BAHCC1: variants seen among roughly 807,000 people sequenced by gnomAD.
BAHCC1 encodes BAH domain and coiled-coil containing 1.
In BAHCC1, 43 loss-of-function variants were observed where a neutral mutation model predicts 88.2. The ratio of observed to expected loss-of-function variants is 0.49; its 90% CI spans 0.38 to 0.63. BAHCC1 has a LOEUF of 0.63. BAHCC1 is among the 20% of genes least tolerant of loss of function. BAHCC1 has a pLI of 0.00. For synonymous variants in BAHCC1, 1,510 were observed against 745.5 expected (o/e 2.03, Z -16.71); for missense variants, 3,023 against 1,654.8 (o/e 1.83, Z -14.34).
Position 81,445,667 on chromosome 17 carries a change from T to C in BAHCC1, c.3149T>C (p.Ile1050Thr). The change falls in exon 10 of 28, where the codon ATC becomes ACC. Residue 1050 changes from isoleucine to threonine, a missense_variant. Coordinates refer to ENST00000675386, the MANE Select transcript of BAHCC1 (RefSeq NM_001377448.1). ...GEGQQSTADI[I>T]TSEPDLPPGY... ...GGTCAGCAGTCCACGGCCGACATCATCACATCCGAACCAGGTGAGAGTAGC... is the reference window on the plus strand; with the variant it reads ...GGTCAGCAGTCCACGGCCGACATCACCACATCCGAACCAGGTGAGAGTAGC... 1 of 729,974 alleles carries C rather than the reference T, an allele frequency of 1.4e-6. No homozygotes were observed. The highest frequency in any genetic ancestry group is 1.5e-5 in the South Asian group (1 of 68,366). The allele number at this position is 729,974 out of a possible 1,614,324, so 45.2% of individuals were successfully genotyped here.
intron 2 of BAHCC1, among the ~76,000 whole-genome samples, chr17:81,417,559 C>CA (rs1271615389): frequency 5.1e-5 from 5 of 98,606 alleles, no homozygotes; most frequent in African/African-American, 1.8e-4. Flanking sequence ...TCGGCCACCC[C>CA]CCCCCCGCCC....
rs8746 is a variant in BAHCC1, at chr17:81,462,826, C to T, written c.7470C>T (p.Ala2490=). 0.16 allele frequency: 125,823 copies of T among 780,592 alleles called. 11,032 individuals are homozygous for T. Among genetic ancestry groups the T allele is most frequent in the East Asian group, 0.3 (12,320 of 41,232 alleles). 48.4% of individuals were successfully genotyped at this position (780,592 alleles called of 1,614,324 possible). A position where few individuals can be genotyped will look rare whatever the true frequency, so the allele number is the denominator to read the frequency against. ...GEETLRVGDC[A]VFLSAGRPNL... The stretch of plus-strand genomic sequence containing the variant: ...AGACCCTGCGTGTCGGGGACTGTGC[C>T]GTCTTCCTGTCAGCTGGGCGGCCCA... Residue 2490 remains alanine, a synonymous_variant, in exon 27 of 28, where the codon GCC becomes GCT. Transcript: ENST00000675386.
Position 81,418,808 on chromosome 17 carries a change from T to TGCGC in BAHCC1, c.179-7992_179-7991insGCGC, listed in dbSNP as rs781892011. On this transcript the variant is annotated intron_variant, in intron 2 of 27. Coordinates refer to ENST00000675386, the MANE Select transcript of BAHCC1 (RefSeq NM_001377448.1). ...GTGTACGTGTGTGCGTGTGTGTGTG[T>TGCGC]ACGTGTGTGTGTGTGTGTGTGTGTA... Among the ~76,000 whole-genome samples, 7 of 80,700 alleles carry TGCGC rather than the reference T, an allele frequency of 8.7e-5. No homozygotes were observed. In the East Asian group the frequency reaches 4.1e-3, roughly 48 times the overall value. The allele number at this position is 80,700 out of a possible 152,430, so 52.9% of individuals were successfully genotyped here.
intron 2 of BAHCC1, among the ~76,000 whole-genome samples, chr17:81,426,415 G>C (rs1197881720): frequency 1.4e-4 from 10 of 71,258 alleles, no homozygotes; most frequent in Non-Finnish European, 3.0e-5. Flanking sequence ...TGATGTGGTT[G>C]GGGGTGATAG....
At chr17:81,402,972 G>A (rs1045736084) in intron 2 of BAHCC1, 2 of 152,220 alleles carry the variant, frequency 1.3e-5, no homozygotes, top group Non-Finnish European at 2.9e-5. Context: ...AAAATGTTTG[G>A]AATCATTATT....
intron 3 of BAHCC1, among the ~76,000 whole-genome samples, chr17:81,431,162 A>T (rs2064256925): frequency 6.6e-6 from 1 of 152,008 alleles, no homozygotes; most frequent in African/African-American, 2.4e-5. Context: ...CGGCTGCCCC[A>T]TCCAGGCCTA....
At position 81,461,943 on chromosome 17, in the gene BAHCC1, A is replaced by C; in HGVS notation, c.7280A>C (p.Glu2427Ala). 1 of 765,320 alleles carries C rather than the reference A, an allele frequency of 1.3e-6. No individual in the cohort carries two copies. Among genetic ancestry groups the C allele is most frequent in the Non-Finnish European group, 2.4e-6 (1 of 411,526 alleles). 47.4% of individuals were successfully genotyped at this position (765,320 alleles called of 1,614,324 possible). A position where few individuals can be genotyped will look rare whatever the true frequency, so the allele number is the denominator to read the frequency against. ...GCCCTGAGCTTCTCCAAAGCCAAAG[A>C]GCTCTCCCGGAGGCAGCGGCCGCCC... ...KEALSFSKAK[E>A]LSRRQRPPSV... is the part of the protein sequence containing the mutation. Residue 2427 changes from glutamate (E) to alanine (A), a missense_variant, in exon 26 of 28, where the codon GAG (glutamate) becomes GCG (alanine). By Grantham distance (107) the Glu-to-Ala change is moderately radical (BLOSUM62 -1). Coordinates refer to ENST00000675386, the MANE Select transcript of BAHCC1 (RefSeq NM_001377448.1).
intron 2 of BAHCC1, among the ~76,000 whole-genome samples, chr17:81,416,413 TGTGTCC>T (rs2064026603): frequency 8.8e-6 from 1 of 114,274 alleles, no homozygotes; most frequent in Non-Finnish European, 1.7e-5. Context: ...TACGTGTATG[TGTGTCC>T]ATGAGGGTGG....
chr17:81,430,915 G>A (rs1317275321), intron 3 of BAHCC1, among the ~76,000 whole-genome samples: 2 of 152,030 alleles, frequency 1.3e-5, no homozygotes, highest in African/African-American at 4.8e-5. Context: ...CCCTGCCCAT[G>A]TGCGAGGGAG....
Position 81,411,256 on chromosome 17 carries a change from T to TC in BAHCC1, c.178+11343dup. ...GACTCGCCACCCCCAGTTGAGCAGC[T>TC]CCCCTTCTCGGCAGCTCCCAAACCC... On this transcript the variant is annotated intron_variant, in intron 2 of 27. Transcript: ENST00000675386. This position sits in a 1 kb window ranked among gnomAD's most constrained non-coding sequence, Gnocchi z 6.2. 1 of 493,200 alleles carries TC rather than the reference T, an allele frequency of 2.0e-6. No homozygotes were observed. The highest frequency in any genetic ancestry group is 1.5e-5 in the South Asian group (1 of 68,960). The allele number at this position is 493,200 out of a possible 1,614,324, so 30.6% of individuals were successfully genotyped here. A position where few individuals can be genotyped will look rare whatever the true frequency, so the allele number is the denominator to read the frequency against.
intron 2 of BAHCC1, among the ~76,000 whole-genome samples, chr17:81,407,094 C>T (rs2063890228): frequency 6.6e-6 from 1 of 152,220 alleles, no homozygotes; most frequent in African/African-American, 2.4e-5. Context: ...TGCTGCCCCT[C>T]TCCGGGGTCT....
intron 2 of BAHCC1, among the ~76,000 whole-genome samples, chr17:81,417,558 C>A (rs371091787): frequency 1.6e-5 from 1 of 61,290 alleles, no homozygotes; most frequent in Non-Finnish European, 3.8e-5. Flanking sequence ...GTCGGCCACC[C>A]CCCCCCCGCC....
rs1205381911 is a variant in BAHCC1, at chr17:81,463,889, C to G, written c.*72C>G. The G allele has an allele frequency of 1.5e-6, 1 of 688,426 alleles. No individual in the cohort carries two copies. The highest frequency in any genetic ancestry group is 2.7e-6 in the Non-Finnish European group (1 of 375,688). The allele number at this position is 688,426 out of a possible 1,614,324, so 42.6% of individuals were successfully genotyped here. Reference sequence around the variant, plus strand: ...CGGAGCCTGGCGTCGGCCAAGCCACCGGGCAGGAGGCAGCCCCGGCCTCCC... The same window carrying G: ...CGGAGCCTGGCGTCGGCCAAGCCACGGGGCAGGAGGCAGCCCCGGCCTCCC... On this transcript the variant is annotated 3_prime_UTR_variant, in exon 28 of 28. Coordinates refer to ENST00000675386, the MANE Select transcript of BAHCC1 (RefSeq NM_001377448.1).
chr17:81,397,271 C>T (rs1277893730), intron 1 of BAHCC1: 2 of 152,088 alleles, frequency 1.3e-5, no homozygotes, highest in African/African-American at 4.8e-5. Context: ...GAGAAAGGAA[C>T]AATCGGGCCT....
At chr17:81,450,480 G>T (rs2064612391) in intron 11 of BAHCC1, among the ~76,000 whole-genome samples, 1 of 152,186 alleles carries the variant, frequency 6.6e-6, no homozygotes, top group Non-Finnish European at 1.5e-5. Context: ...TGTTCCTGCG[G>T]TCACTGTGAG....
At chr17:81,396,488 G>GT (rs1271800315) in intron 1 of BAHCC1, 1 of 152,110 alleles carries the variant, frequency 6.6e-6, no homozygotes, top group Non-Finnish European at 1.5e-5. Context: ...GGGTGCGGCT[G>GT]TTTCGCAGGG....
At chr17:81,454,446 G>A (rs914821121) in intron 14 of BAHCC1, among the ~76,000 whole-genome samples, 15 of 152,304 alleles carry the variant, frequency 9.8e-5, no homozygotes, top group South Asian at 6.2e-4. Flanking sequence ...CTTAAGACCC[G>A]CGTGGAGGAC....
chr17:81,441,668 C>CAA lies in BAHCC1; in HGVS notation c.482-142_482-141dup, dbSNP rs11333301. On this transcript the variant is annotated intron_variant, in intron 4 of 27. Transcript: ENST00000675386. ...CAGAGGGCAGAGCGAGACTCCGTCT[C>CAA]AAAAAAAAAAAAAAAAAAAAAAGAG... 3.0e-3 allele frequency among the ~76,000 whole-genome samples: 274 copies of CAA among 91,218 alleles called. 1 individual carries two copies. Among genetic ancestry groups the CAA allele is most frequent in the East Asian group, 7.4e-3 (22 of 2,992 alleles). 59.8% of individuals were successfully genotyped at this position (91,218 alleles called of 152,430 possible).
At chr17:81,457,988 C>T (rs2064782785) in intron 17 of BAHCC1, among the ~76,000 whole-genome samples, 177 bp from the exon 18 acceptor site, 1 of 120,566 alleles carries the variant, frequency 8.3e-6, no homozygotes, top group Non-Finnish European at 1.7e-5. Flanking sequence ...TGCTGGGTAA[C>T]CAGGAGGGAG....
Sources: allele counts gnomAD v4.1 joint callset (sites outside exome capture counted in the v4.1 genomes callset), GRCh38; gene constraint gnomAD v4.1.1; non-coding constraint Gnocchi (gnomAD v3.1); transcripts MANE v1.5; gene names NCBI Gene and HGNC (gene_info 2026-07-23, HGNC 2026-07-21).